KCNK4: variants seen among roughly 807,000 people sequenced by gnomAD.
The protein encoded by KCNK4 is potassium channel subfamily K member 4.
In KCNK4, 22 loss-of-function variants were observed where a neutral mutation model predicts 28.8. The ratio of observed to expected loss-of-function variants is 0.76; its 90% CI spans 0.55 to 1.09. KCNK4 has a LOEUF of 1.09. KCNK4 is among the 50% of genes least tolerant of loss of function. The pLI is 0.00. For missense variants in KCNK4, 483 were observed against 546.3 expected (o/e 0.88, Z 1.15); for synonymous variants, 263 against 252.9 (o/e 1.04, Z -0.38).
rs370012701 is a variant in KCNK4 at position 64,292,968 on chromosome 11, G to C, written c.-51G>C. On this transcript the variant is annotated 5_prime_UTR_variant, in exon 2 of 7. Coordinates refer to ENST00000422670, the MANE Select transcript of KCNK4 (RefSeq NM_033310.3). The stretch of plus-strand genomic sequence containing the variant: ...GACGACAGCTCCCCAGGAGCCCCCC[G>C]CCCGGCCCCTCCAGGCGGGCAGTGG... The C allele has an allele frequency of 2.0e-6, 3 of 1,498,048 alleles. No individual in the cohort carries two copies. Among genetic ancestry groups the C allele is most frequent in the Non-Finnish European group, 2.7e-6 (3 of 1,127,032 alleles). 92.8% of individuals were successfully genotyped at this position (1,498,048 alleles called of 1,614,324 possible). A position where few individuals can be genotyped will look rare whatever the true frequency, so the allele number is the denominator to read the frequency against.
chr11:64,293,353 G>A (rs2034687675), intron 2 of KCNK4, 146 bp downstream of exon 2: 2 of 900,284 alleles, frequency 2.2e-6, no homozygotes, highest in South Asian at 2.7e-5. Flanking sequence ...AGAGGCTGGG[G>A]ACCAGGTCTC....
intron 6 of KCNK4, among the ~76,000 whole-genome samples, chr11:64,299,050 G>GAAAAAAAAAAAAAAAAAAAA (rs56097945): frequency 1.2e-5 from 1 of 85,076 alleles, no homozygotes; most frequent in Non-Finnish European, 2.2e-5. Flanking sequence ...AAAAAAAGAA[G>GAAAAAAAAAAAAAAAAAAAA]AAAAAAAAAA....
At chr11:64,295,377 C>T (rs114569814) in intron 2 of KCNK4, among the ~76,000 whole-genome samples, 73 of 152,166 alleles carry the variant, frequency 4.8e-4, no homozygotes, top group African/African-American at 1.7e-3. Flanking sequence ...AAGAGATGCC[C>T]ATGTGGAGAG....
At position 64,299,553 on chromosome 11, in the gene KCNK4, C is replaced by T; in HGVS notation, c.1009C>T (p.Leu337=). ...GCCTTCCCCGCCCACGGCCTCGGCC[C>T]TGGATTATCCCAGCGAGAACCTGGC... ...QPPSPPTASA[L]DYPSENLAFI... The change falls in exon 7 of 7, where the codon CTG becomes TTG. Residue 337 remains leucine, a synonymous_variant. Coordinates refer to ENST00000422670, the MANE Select transcript of KCNK4 (RefSeq NM_033310.3). 1 of 1,610,636 alleles carries T rather than the reference C, an allele frequency of 6.2e-7. No individual in the cohort carries two copies. Among genetic ancestry groups the T allele is most frequent in the South Asian group, 1.1e-5 (1 of 90,950 alleles).
At chr11:64,292,663 C>T (rs2034662056) in intron 1 of KCNK4, 1 of 193,936 alleles carries the variant, frequency 5.2e-6, no homozygotes, top group Non-Finnish European at 1.0e-5. Context: ...CCTAGGCAGG[C>T]TTAGGCTCTC....
Position 64,299,831 on chromosome 11 carries a change from G to A in KCNK4, c.*105G>A, listed in dbSNP as rs770468155. The A allele has an allele frequency of 4.6e-6, 7 of 1,534,608 alleles. No homozygotes were observed. In the South Asian group the frequency reaches 8.3e-5, roughly 18 times the overall value. On this transcript the variant is annotated 3_prime_UTR_variant, in exon 7 of 7. Transcript: ENST00000422670. ...CCTCTTTCCACGAGACTGAAGTCTG[G>A]GGAGGAGGCTACAGTTGCCTCTCCG...
intron 5 of KCNK4, 152 bp downstream of exon 5, chr11:64,297,805 G>C: frequency 1.3e-6 from 1 of 797,916 alleles, no homozygotes; most frequent in Non-Finnish European, 2.0e-6. Flanking sequence ...ACACACACCA[G>C]CGCCTTATGC....
intron 6 of KCNK4, among the ~76,000 whole-genome samples, chr11:64,298,724 G>A (rs1285421355): frequency 7.9e-5 from 12 of 152,042 alleles, no homozygotes; most frequent in Admixed American, 7.9e-4. Context: ...ACAAAACTCA[G>A]TTAAATTTGA....
chr11:64,296,934 C>T lies in KCNK4; in HGVS notation c.246C>T (p.Asn82=), dbSNP rs749324170. ...GADPETNSTS[N]SSHSAWDLGS... Reference sequence around the variant, plus strand: ...ACCCAGAAACCAACTCGACCAGCAACAGCAGCCACTCAGCCTGGGACCTGG... The same window carrying T: ...ACCCAGAAACCAACTCGACCAGCAATAGCAGCCACTCAGCCTGGGACCTGG... The change falls in exon 3 of 7, where the codon AAC becomes AAT. Residue 82 remains asparagine, a synonymous_variant. Transcript: ENST00000422670. 5 of 1,511,468 alleles carry T rather than the reference C, an allele frequency of 3.3e-6. No homozygotes were observed. The highest frequency in any genetic ancestry group is 1.4e-5 in the African/African-American group (1 of 71,510). 93.6% of individuals were successfully genotyped at this position (1,511,468 alleles called of 1,614,324 possible). A position where few individuals can be genotyped will look rare whatever the true frequency, so the allele number is the denominator to read the frequency against.
At position 64,292,215 on chromosome 11, in the gene KCNK4, C is replaced by T. The variant is rs980546477; in HGVS notation, c.-78+649C>T. 7.2e-5 allele frequency: 35 copies of T among 488,438 alleles called. No individual in the cohort carries two copies. In the East Asian group the frequency reaches 4.7e-3, roughly 66 times the overall value. 30.3% of individuals were successfully genotyped at this position (488,438 alleles called of 1,614,324 possible). ...CCGCGCTTGGCGGCGCGTGCCGGGG[C>T]GTGTGTGCGCGTGGGCGCCGCCGCC... is the stretch of plus-strand genomic sequence containing the variant. On this transcript the variant is annotated intron_variant, in intron 1 of 6. Coordinates refer to ENST00000422670, the MANE Select transcript of KCNK4 (RefSeq NM_033310.3).
rs748694504 is a variant in KCNK4, at chr11:64,292,938, G to A, written c.-77-4G>A. 22 of 1,460,438 alleles carry A rather than the reference G, an allele frequency of 1.5e-5. No homozygotes were observed. In the African/African-American group the frequency reaches 2.8e-4, roughly 19 times the overall value. 90.5% of individuals were successfully genotyped at this position (1,460,438 alleles called of 1,614,324 possible). The stretch of plus-strand genomic sequence containing the variant: ...GACCCCAGCATCCCTGGTTTTGCCC[G>A]CAGTGACGACAGCTCCCCAGGAGCC... On this transcript the variant is annotated splice_polypyrimidine_tract_variant and splice_region_variant and intron_variant, in intron 1 of 6. Transcript: ENST00000422670.
intron 6 of KCNK4, 76 bp from the exon 7 acceptor site, chr11:64,299,270 T>C: frequency 7.5e-7 from 1 of 1,326,784 alleles, no homozygotes; most frequent in South Asian, 1.6e-5. Flanking sequence ...TCCCTGCTGG[T>C]GAAGGGGCAG....
Position 64,299,782 on chromosome 11 carries a change from G to A in KCNK4, c.*56G>A. On this transcript the variant is annotated 3_prime_UTR_variant, in exon 7 of 7. Coordinates refer to ENST00000422670, the MANE Select transcript of KCNK4 (RefSeq NM_033310.3). ...GCTTCGTTTCTGCTCTCCCCGGCAT[G>A]CCTGGCTTGTTTGACCAAAGAGCCC... The A allele has an allele frequency of 1.3e-6, 2 of 1,537,032 alleles. No individual in the cohort carries two copies. The highest frequency in any genetic ancestry group is 2.0e-5 in the Admixed American group (1 of 51,018).
intron 2 of KCNK4, among the ~76,000 whole-genome samples, chr11:64,295,842 C>T (rs1039595341): frequency 7.2e-5 from 11 of 151,974 alleles, no homozygotes; most frequent in Admixed American, 3.3e-4. Flanking sequence ...AGTCAGGGGG[C>T]GAAGAGGTGC....
At chr11:64,296,715 A>C in intron 2 of KCNK4, 163 bp from the exon 3 acceptor site, 1 of 559,628 alleles carries the variant, frequency 1.8e-6, no homozygotes, top group Non-Finnish European at 2.8e-6. Flanking sequence ...GACTGGACCC[A>C]GTTTGTATCT....
chr11:64,291,970 C>T, intron 1 of KCNK4: 1 of 1,064,784 alleles, frequency 9.4e-7, no homozygotes, highest in Non-Finnish European at 1.2e-6. Flanking sequence ...GCGGTGGGAG[C>T]GAGCTGCGGG....
At chr11:64,292,854 T>C (rs1030039351) in intron 1 of KCNK4, 88 bp from the exon 2 acceptor site, 25 of 1,350,584 alleles carry the variant, frequency 1.9e-5, no homozygotes, top group Middle Eastern at 2.7e-4. Flanking sequence ...GGGGGCTTTA[T>C]GGATCTTTGG....
At chr11:64,292,009 TGTGCACGCTAGTGTCCACACAC>T in intron 1 of KCNK4, 1 of 1,187,436 alleles carries the variant, frequency 8.4e-7, no homozygotes, top group Non-Finnish European at 1.1e-6. Flanking sequence ...CTGTCTGGCG[TGTGCACGCTAGTGTCCACACAC>T]GTGTGCGTGG....
chr11:64,293,498 C>T (rs377403053), intron 2 of KCNK4, among the ~76,000 whole-genome samples: 1 of 127,630 alleles, frequency 7.8e-6, no homozygotes, highest in Admixed American at 8.2e-5. Context: ...AATGAATGGC[C>T]ATAGCGCATG....
Sources: gnomAD v4.1 joint callset for allele counts (sites outside exome capture counted in the v4.1 genomes callset) on GRCh38, gnomAD v4.1.1 for gene constraint, MANE v1.5 for transcripts, NCBI Gene and HGNC (gene_info 2026-07-23, HGNC 2026-07-21) for gene names.